Variants in ULK4 observed in about 807,000 individuals in gnomAD.
ULK4 encodes unc-51 like kinase 4.
ULK4 carries 133 observed loss-of-function variants against 160.6 expected under a neutral mutation model. That is an observed-to-expected ratio of 0.83 (90% confidence interval 0.72 to 0.96). The LOEUF is 0.96. ULK4 is among the 40% of genes least tolerant of loss of function. ULK4 has a pLI of 0.00. For synonymous variants in ULK4, 534 were observed against 539.8 expected (o/e 0.99, Z 0.15); for missense variants, 1,580 against 1,499.5 (o/e 1.05, Z -0.89).
chr3:41,620,409 T>TTA (rs747303009), intron 30 of ULK4, among the ~76,000 whole-genome samples: 1 of 152,148 alleles, frequency 6.6e-6, no homozygotes, highest in Non-Finnish European at 1.5e-5. Context: ...ATCAAAAAGC[T>TTA]TATCCACCAC....
intron 17 of ULK4, among the ~76,000 whole-genome samples, chr3:41,855,783 T>C (rs2042321948): frequency 6.6e-6 from 1 of 152,194 alleles, no homozygotes; most frequent in African/African-American, 2.4e-5. Flanking sequence ...TAATTCTGTT[T>C]CCATGTTTCT....
chr3:41,615,678 T>C lies in ULK4; in HGVS notation c.3111A>G (p.Glu1037=). ...ACATTTCCGTTCTTACCAGAGTTAC[T>C]TCAAAAATGAGTGGGATCAGTTTGC... ...EESKLIPLIF[E]VTLEHQESIL... Residue 1037 remains glutamate (E), a synonymous_variant, in exon 31 of 37, where the codon GAA becomes GAG. Coordinates refer to ENST00000301831, the MANE Select transcript of ULK4 (RefSeq NM_017886.4). The C allele has an allele frequency of 1.2e-6, 2 of 1,613,280 alleles. No homozygotes were observed. Among genetic ancestry groups the C allele is most frequent in the Non-Finnish European group, 1.7e-6 (2 of 1,179,642 alleles).
At chr3:41,944,712 G>A (rs1452606843) in intron 2 of ULK4, among the ~76,000 whole-genome samples, 1 of 152,036 alleles carries the variant, frequency 6.6e-6, no homozygotes, top group Non-Finnish European at 1.5e-5. Flanking sequence ...CAAAACACCA[G>A]GATTACAGGA....
intron 4 of ULK4, among the ~76,000 whole-genome samples, chr3:41,935,209 A>ATTTTTTTTTTTTTTTTT (rs10524611): frequency 7.4e-6 from 1 of 135,556 alleles, no homozygotes; most frequent in Non-Finnish European, 1.5e-5. Context: ...TTATTTATTT[A>ATTTTTTTTTTTTTTTTT]TTTTTTTTTT....
At chr3:41,912,988 T>C in intron 8 of ULK4, 89 bp from the exon 9 acceptor site, 1 of 1,144,806 alleles carries the variant, frequency 8.7e-7, no homozygotes, top group Non-Finnish European at 1.3e-6. Flanking sequence ...CATAGCAGAT[T>C]TTACAAGGTA....
chr3:41,687,211 A>G (rs1360354551), intron 27 of ULK4, among the ~76,000 whole-genome samples: 1 of 152,100 alleles, frequency 6.6e-6, no homozygotes, highest in African/African-American at 2.4e-5. Context: ...CGTATCTACT[A>G]AAAATACAAA....
At chr3:41,560,899 T>C (rs2087539520) in intron 32 of ULK4, among the ~76,000 whole-genome samples, 1 of 152,208 alleles carries the variant, frequency 6.6e-6, no homozygotes, top group East Asian at 1.9e-4. Flanking sequence ...TCAAACACTA[T>C]GTTGAACAGG....
intron 22 of ULK4, among the ~76,000 whole-genome samples, chr3:41,745,340 A>G (rs2038383390): frequency 6.6e-6 from 1 of 151,572 alleles, no homozygotes. Flanking sequence ...CACTACAAAT[A>G]CTTCAGTAGT....
At chr3:41,817,353 A>T (rs952187217) in intron 19 of ULK4, among the ~76,000 whole-genome samples, 2 of 152,188 alleles carry the variant, frequency 1.3e-5, no homozygotes, top group African/African-American at 4.8e-5. Flanking sequence ...ACCTAGGTTG[A>T]TTCCATATCT....
intron 22 of ULK4, among the ~76,000 whole-genome samples, chr3:41,730,956 A>G (rs949507366): frequency 6.6e-6 from 1 of 152,174 alleles, no homozygotes; most frequent in Non-Finnish European, 1.5e-5. Flanking sequence ...ACATGCAGGG[A>G]AAAAACTTGA....
At chr3:41,578,013 G>A (rs908213379) in intron 31 of ULK4, among the ~76,000 whole-genome samples, 5 of 152,202 alleles carry the variant, frequency 3.3e-5, no homozygotes, top group African/African-American at 1.2e-4. Context: ...AACAGCAAGT[G>A]ATGAATAGGC....
intron 30 of ULK4, among the ~76,000 whole-genome samples, chr3:41,633,524 C>T (rs1037861982): frequency 1.3e-5 from 2 of 149,406 alleles, no homozygotes; most frequent in African/African-American, 5.1e-5. Context: ...CTGAGCCTTT[C>T]TCTAGGTGGC....
intron 32 of ULK4, among the ~76,000 whole-genome samples, chr3:41,506,767 A>AAAAAATATATAT: frequency 3.5e-5 from 2 of 56,766 alleles, no homozygotes; most frequent in African/African-American, 1.6e-4. Context: ...TGTGATTTAA[A>AAAAAATATATAT]ATATATATAT....
At chr3:41,830,941 T>G (rs2041558924) in intron 18 of ULK4, among the ~76,000 whole-genome samples, 1 of 151,814 alleles carries the variant, frequency 6.6e-6, no homozygotes, top group South Asian at 2.1e-4. Context: ...CCCAAAGAAC[T>G]GCGAGGAAAA....
chr3:41,267,017 T>C (rs1243049588), intron 35 of ULK4, among the ~76,000 whole-genome samples: 2 of 96,724 alleles, frequency 2.1e-5, no homozygotes, highest in South Asian at 1.1e-3. Context: ...TGTGTCTCTA[T>C]TGGGGGGGGG....
chr3:41,944,603 G>C (rs1283956945), intron 2 of ULK4, among the ~76,000 whole-genome samples: 1 of 151,982 alleles, frequency 6.6e-6, no homozygotes, highest in Non-Finnish European at 1.5e-5. Context: ...CTTTTTATAA[G>C]AAGTGTACTT....
chr3:41,793,967 T>C (rs1169561938), intron 20 of ULK4, among the ~76,000 whole-genome samples: 4 of 152,140 alleles, frequency 2.6e-5, no homozygotes, highest in African/African-American at 7.2e-5. Context: ...TTCTTAAATA[T>C]CAGCAGGCAA....
At chr3:41,280,187 T>TA (rs2079324164) in intron 35 of ULK4, among the ~76,000 whole-genome samples, 1 of 152,204 alleles carries the variant, frequency 6.6e-6, no homozygotes, top group Non-Finnish European at 1.5e-5. Flanking sequence ...CAAAGAGACT[T>TA]AGACTCCTAC....
chr3:41,928,513 A>C (rs1167089544), intron 5 of ULK4, among the ~76,000 whole-genome samples: 1 of 148,576 alleles, frequency 6.7e-6, no homozygotes, highest in African/African-American at 2.5e-5. Flanking sequence ...GAAATGAAGG[A>C]GATACAGACA....
Sources: allele counts gnomAD v4.1 joint callset (sites outside exome capture counted in the v4.1 genomes callset), GRCh38; gene constraint gnomAD v4.1.1; transcripts MANE v1.5; gene names NCBI Gene and HGNC (gene_info 2026-07-23, HGNC 2026-07-21).